Variants in ARHGAP6 observed in about 807,000 individuals in gnomAD.
ARHGAP6 encodes Rho GTPase activating protein 6, also known as rho GTPase-activating protein 6.
ARHGAP6 carries 16 observed loss-of-function variants against 55.7 expected under a neutral mutation model. The observed-to-expected ratio is 0.29, with a 90% confidence interval of 0.19 to 0.44. The LOEUF (loss-of-function observed/expected upper bound fraction) is 0.44, where lower values mean the gene tolerates loss of function less well. ARHGAP6 is among the 20% of genes least tolerant of loss of function. ARHGAP6 has a pLI of 1.00. For missense variants in ARHGAP6, 698 were observed against 808.9 expected (o/e 0.86, Z 1.66); for synonymous variants, 382 against 360.9 (o/e 1.06, Z -0.66).
intron 1 of ARHGAP6, among the ~76,000 whole-genome samples, chrX:11,279,329 T>C (rs1212369389): frequency 8.9e-6 from 1 of 112,241 alleles, no homozygotes; most frequent in Non-Finnish European, 1.9e-5. Flanking sequence ...CAACACACTA[T>C]TGAAAGTTTA....
At chrX:11,511,976 G>A (rs1374471595) in intron 1 of ARHGAP6, among the ~76,000 whole-genome samples, 1 of 111,009 alleles carries the variant, frequency 9.0e-6, no homozygotes, top group Non-Finnish European at 1.9e-5. Flanking sequence ...ACAGGTGCCT[G>A]CCACCACACC....
chrX:11,608,389 C>G (rs1452440537), intron 1 of ARHGAP6, among the ~76,000 whole-genome samples: 2 of 111,568 alleles, frequency 1.8e-5, no homozygotes, highest in African/African-American at 6.5e-5. Flanking sequence ...AAAATAGGTG[C>G]CTAGTAAACT....
intron 2 of ARHGAP6, among the ~76,000 whole-genome samples, chrX:11,247,931 G>C (rs1468837095): frequency 9.0e-6 from 1 of 111,639 alleles, no homozygotes; most frequent in Middle Eastern, 4.2e-3. Flanking sequence ...GTCCATGCTT[G>C]CCTCCATGGA....
intron 1 of ARHGAP6, among the ~76,000 whole-genome samples, chrX:11,428,116 AAGAG>A (rs985362704): frequency 1.5e-3 from 169 of 112,676 alleles, no homozygotes; most frequent in Non-Finnish European, 7.7e-4. Context: ...GTTTCCAAGA[AAGAG>A]AGACTTTCAC....
At chrX:11,367,122 C>T (rs771213380) in intron 1 of ARHGAP6, among the ~76,000 whole-genome samples, 27 of 111,897 alleles carry the variant, frequency 2.4e-4, no homozygotes, top group African/African-American at 6.5e-4. Context: ...CTCCTGAATT[C>T]GCAGCAAAGT....
At chrX:11,520,147 ATAT>A (rs1210466648) in intron 1 of ARHGAP6, among the ~76,000 whole-genome samples, 9 of 65,386 alleles carry the variant, frequency 1.4e-4, no homozygotes, top group African/African-American at 5.1e-4. Flanking sequence ...ATATATATAT[ATAT>A]ATATATATAT....
intron 1 of ARHGAP6, among the ~76,000 whole-genome samples, chrX:11,414,565 G>A (rs1052709848): frequency 1.8e-5 from 2 of 108,999 alleles, no homozygotes; most frequent in Admixed American, 1.0e-4. Context: ...AAAAAAACAG[G>A]CCTTGGCAAC....
At chrX:11,650,998 T>C (rs929546558) in intron 1 of ARHGAP6, among the ~76,000 whole-genome samples, 3 of 112,424 alleles carry the variant, frequency 2.7e-5, no homozygotes, top group African/African-American at 9.7e-5. Context: ...GAGGACTTGC[T>C]GAAATATCTA....
At chrX:11,567,739 A>T (rs1350450122) in intron 1 of ARHGAP6, among the ~76,000 whole-genome samples, 2 of 108,357 alleles carry the variant, frequency 1.8e-5, no homozygotes, top group East Asian at 2.9e-4. Context: ...TGCAATCATG[A>T]CTCACTGCAG....
chrX:11,387,604 C>A (rs985371024), intron 1 of ARHGAP6, among the ~76,000 whole-genome samples: 4 of 111,679 alleles, frequency 3.6e-5, no homozygotes, highest in African/African-American at 1.3e-4. Context: ...GCGCAACGTG[C>A]AAGTTTGTTA....
chrX:11,296,910 A>G, intron 1 of ARHGAP6: 1 of 1,100,273 alleles, frequency 9.1e-7, no homozygotes, highest in Non-Finnish European at 1.3e-6. Flanking sequence ...TTGATTCTTT[A>G]TCCCAGATGT....
chrX:11,357,603 T>C (rs1433581390), intron 1 of ARHGAP6, among the ~76,000 whole-genome samples: 1 of 111,533 alleles, frequency 9.0e-6, no homozygotes, highest in Non-Finnish European at 1.9e-5. Context: ...TGTAGTACTT[T>C]TTTCTCCTTT....
chrX:11,538,829 T>G (rs764859466), intron 1 of ARHGAP6, among the ~76,000 whole-genome samples: 1 of 98,017 alleles, frequency 1.0e-5, no homozygotes, highest in Admixed American at 1.1e-4. Flanking sequence ...TGGGGACCAC[T>G]GTGTGTGTGT....
intron 9 of ARHGAP6, among the ~76,000 whole-genome samples, chrX:11,167,808 G>A (rs1175032898): frequency 8.9e-6 from 1 of 112,443 alleles, no homozygotes; most frequent in Non-Finnish European, 1.9e-5. Context: ...TGATGAAAAT[G>A]TTGAAAAGTT....
intron 1 of ARHGAP6, among the ~76,000 whole-genome samples, chrX:11,497,434 C>T (rs1426207066): frequency 9.1e-6 from 1 of 110,449 alleles, no homozygotes; most frequent in Non-Finnish European, 1.9e-5. Flanking sequence ...AAGGCAAGGT[C>T]TTTGGAAGAT....
At chrX:11,463,566 C>T (rs1310275891) in intron 1 of ARHGAP6, among the ~76,000 whole-genome samples, 1 of 111,563 alleles carries the variant, frequency 9.0e-6, no homozygotes, top group Admixed American at 9.5e-5. Context: ...GTCATGAACT[C>T]CTGGACTCAA....
chrX:11,649,663 T>G (rs771947490), intron 1 of ARHGAP6, among the ~76,000 whole-genome samples: 7 of 112,239 alleles, frequency 6.2e-5, no homozygotes, highest in Non-Finnish European at 9.4e-5. Flanking sequence ...TTTGCCACTC[T>G]TATCTTTTCT....
intron 3 of ARHGAP6, among the ~76,000 whole-genome samples, chrX:11,195,456 G>A (rs2046519587): frequency 9.0e-6 from 1 of 111,326 alleles, no homozygotes; most frequent in Admixed American, 9.5e-5. Flanking sequence ...ACCTCAGAGA[G>A]TGGCTAAAGT....
chrX:11,261,462 C>A (rs2047560362), intron 1 of ARHGAP6, among the ~76,000 whole-genome samples: 1 of 111,578 alleles, frequency 9.0e-6, no homozygotes, highest in African/African-American at 3.3e-5. Context: ...TGGTCCAGAC[C>A]AGCATTTTTC....
Sources: allele counts gnomAD v4.1 joint callset (sites outside exome capture counted in the v4.1 genomes callset), GRCh38; gene constraint gnomAD v4.1.1; transcripts MANE v1.5; gene names NCBI Gene and HGNC (gene_info 2026-07-23, HGNC 2026-07-21).